The following CASZ1 variants were observed in gnomAD, a reference collection of about 807,000 sequenced individuals.
CASZ1 encodes zinc finger protein castor homolog 1.
In CASZ1, 28 loss-of-function variants were observed where a neutral mutation model predicts 135.2. The observed-to-expected ratio is 0.21, with a 90% confidence interval of 0.15 to 0.28. The LOEUF is 0.28. Among genes scored for constraint, CASZ1 ranks in the 10% least tolerant of loss-of-function variants. The pLI is 1.00. For synonymous variants in CASZ1, 1,068 were observed against 1,073.4 expected (o/e 0.99, Z 0.10); for missense variants, 2,161 against 2,453.3 (o/e 0.88, Z 2.52).
chr1:10,736,397 C>T (rs901731630), intron 2 of CASZ1, among the ~76,000 whole-genome samples: 2 of 152,200 alleles, frequency 1.3e-5, no homozygotes, highest in African/African-American at 4.8e-5. Context: ...CTGAGAACCC[C>T]GAACCCGGGG....
Position 10,639,096 on chromosome 1 carries a change from T to C in CASZ1, c.5126A>G (p.Asp1709Gly). The change falls in exon 21 of 21, where the codon GAC (aspartate) becomes GGC (glycine). Residue 1709 changes from aspartate (D) to glycine (G), a missense_variant. Coordinates refer to ENST00000377022, the MANE Select transcript of CASZ1 (RefSeq NM_001079843.3). The surrounding 1 kb of genome is among the most constrained non-coding windows in gnomAD (Gnocchi z 4.0). ...EDDDDEDDDE[D>G]DDDEDLRTDS... ...GGTGCGCAGGTCCTCGTCGTCGTCGTCCTCGTCGTCGTCCTCGTCGTCGTC... is the reference window on the plus strand; with the variant it reads ...GGTGCGCAGGTCCTCGTCGTCGTCGCCCTCGTCGTCGTCCTCGTCGTCGTC... 2 of 1,135,192 alleles carry C rather than the reference T, an allele frequency of 1.8e-6. No homozygotes were observed. The highest frequency in any genetic ancestry group is 6.6e-5 in the East Asian group (1 of 15,128). The allele number at this position is 1,135,192 out of a possible 1,614,324, so 70.3% of individuals were successfully genotyped here.
At position 10,659,637 on chromosome 1, in the gene CASZ1, G is replaced by A. The variant is rs76451128; in HGVS notation, c.1340+65C>T. 2.8e-3 allele frequency: 3,788 copies of A among 1,329,416 alleles called. 87 individuals carry two copies. In the African/African-American group the frequency reaches 0.048, roughly 17 times the overall value. The allele number at this position is 1,329,416 out of a possible 1,614,324, so 82.4% of individuals were successfully genotyped here. On this transcript the variant is annotated intron_variant, in intron 6 of 20. Coordinates refer to ENST00000377022, the MANE Select transcript of CASZ1 (RefSeq NM_001079843.3). ...CCTCAAGCACGGGCAACCCTGGTGA[G>A]GAAGGAGGCCTCCTGTCTAGTCTGG...
At position 10,700,512 on chromosome 1, in the gene CASZ1, C is replaced by T. The variant is rs1001695165; in HGVS notation, c.-24+4980G>A. ...TAGGTGTTTGGATGGTGTATGTACA[C>T]GCCTGAGCCTGAACTGTCAGACACA... On this transcript the variant is annotated intron_variant, in intron 3 of 20. Coordinates refer to ENST00000377022, the MANE Select transcript of CASZ1 (RefSeq NM_001079843.3). The surrounding 1 kb of genome is among the most constrained non-coding windows in gnomAD (Gnocchi z 4.2). 8.5e-5 allele frequency among the ~76,000 whole-genome samples: 13 copies of T among 152,168 alleles called. No individual in the cohort carries two copies. Among genetic ancestry groups the T allele is most frequent in the Admixed American group, 1.3e-4 (2 of 15,288 alleles).
At position 10,706,150 on chromosome 1, in the gene CASZ1, A is replaced by T. The variant is rs2100445319; in HGVS notation, c.-76-606T>A. On this transcript the variant is annotated intron_variant, in intron 2 of 20. Coordinates refer to ENST00000377022, the MANE Select transcript of CASZ1 (RefSeq NM_001079843.3). This position sits in a 1 kb window ranked among gnomAD's most constrained non-coding sequence, Gnocchi z 4.3. Reference sequence around the variant, plus strand: ...CACCCCGGGGTCCTACCCATGAGTCATCACAGCCCATGTCCAGAGACCGTG... The same window carrying T: ...CACCCCGGGGTCCTACCCATGAGTCTTCACAGCCCATGTCCAGAGACCGTG... Among the ~76,000 whole-genome samples, 2 of 152,368 alleles carry T rather than the reference A, an allele frequency of 1.3e-5. No homozygotes were observed. Among genetic ancestry groups the T allele is most frequent in the East Asian group, 3.9e-4 (2 of 5,180 alleles).
At chr1:10,645,271 C>T (rs1216512376) in intron 17 of CASZ1, among the ~76,000 whole-genome samples, 183 bp from the exon 18 acceptor site, 2 of 152,182 alleles carry the variant, frequency 1.3e-5, no homozygotes, top group Non-Finnish European at 2.9e-5. Context: ...TGGCTCACGC[C>T]TATAATCCCA....
At chr1:10,677,711 C>G (rs1450985637) in intron 4 of CASZ1, among the ~76,000 whole-genome samples, 1 of 152,242 alleles carries the variant, frequency 6.6e-6, no homozygotes, top group African/African-American at 2.4e-5. Context: ...TCTGAGCCCT[C>G]TCCGGCCCAG....
At position 10,706,217 on chromosome 1, in the gene CASZ1, C is replaced by T. The variant is rs1639170700; in HGVS notation, c.-76-673G>A. On this transcript the variant is annotated intron_variant, in intron 2 of 20. Transcript: ENST00000377022. This position sits in a 1 kb window ranked among gnomAD's most constrained non-coding sequence, Gnocchi z 4.3. The stretch of plus-strand genomic sequence containing the variant: ...GGTCAGACAACGTGGAGGCTTTAAC[C>T]AACACGCGGCCTGGCCCAGCGTGCC... Among the ~76,000 whole-genome samples, 1 of 152,226 alleles carries T rather than the reference C, an allele frequency of 6.6e-6. No homozygotes were observed. The highest frequency in any genetic ancestry group is 2.4e-5 in the African/African-American group (1 of 41,462).
At chr1:10,753,374 C>A (rs1225710118) in intron 2 of CASZ1, among the ~76,000 whole-genome samples, 1 of 152,156 alleles carries the variant, frequency 6.6e-6, no homozygotes, top group Admixed American at 6.5e-5. Flanking sequence ...CTCCCTCACC[C>A]GTCACTGCTG....
At chr1:10,651,161 G>A in intron 11 of CASZ1, 85 bp from the exon 12 acceptor site, 2 of 1,201,292 alleles carry the variant, frequency 1.7e-6, no homozygotes, top group South Asian at 4.0e-5. Flanking sequence ...CTGGAGGGAG[G>A]GCAGTGGGCT....
intron 1 of CASZ1, among the ~76,000 whole-genome samples, chr1:10,795,656 G>A (rs1471369201): frequency 1.3e-5 from 2 of 152,238 alleles, no homozygotes; most frequent in Non-Finnish European, 2.9e-5. Context: ...GCTCTGGGCC[G>A]ATGCCCCGGC....
rs952136762 is a variant in CASZ1 at position 10,767,304 on chromosome 1, C to T, written c.-233-6447G>A. Among the ~76,000 whole-genome samples, 1 of 152,240 alleles carries T rather than the reference C, an allele frequency of 6.6e-6. No individual in the cohort carries two copies. The highest frequency in any genetic ancestry group is 1.5e-5 in the Non-Finnish European group (1 of 68,038). On this transcript the variant is annotated intron_variant, in intron 1 of 20. Transcript: ENST00000377022. This position sits in a 1 kb window ranked among gnomAD's most constrained non-coding sequence, Gnocchi z 4.2. ...GCAGGCATCTCCAGAATCAGGAAGT[C>T]CCTGGAGGGCAGGCAGCAGAGCTGG... is the stretch of plus-strand genomic sequence containing the variant.
Position 10,647,648 on chromosome 1 carries a change from G to T in CASZ1, c.3497+153C>A. On this transcript the variant is annotated intron_variant, in intron 16 of 20. Transcript: ENST00000377022. This position sits in a 1 kb window ranked among gnomAD's most constrained non-coding sequence, Gnocchi z 4.9. ...TGAGGTAGGAGCAGCAGCATCTTTGGCTAGAAGGACATCACCCGATGGCCA... is the reference window on the plus strand; with the variant it reads ...TGAGGTAGGAGCAGCAGCATCTTTGTCTAGAAGGACATCACCCGATGGCCA... 6.8e-7 allele frequency: 1 copy of T among 1,473,552 alleles called. No individual in the cohort carries two copies. The allele number at this position is 1,473,552 out of a possible 1,614,324, so 91.3% of individuals were successfully genotyped here. A position where few individuals can be genotyped will look rare whatever the true frequency, so the allele number is the denominator to read the frequency against.
chr1:10,644,632 G>A (rs764593976), intron 18 of CASZ1, among the ~76,000 whole-genome samples: 1 of 152,180 alleles, frequency 6.6e-6, no homozygotes, highest in Non-Finnish European at 1.5e-5. Flanking sequence ...ACAGAACCAC[G>A]CCCAGGCCCT....
intron 2 of CASZ1, among the ~76,000 whole-genome samples, chr1:10,722,358 T>C (rs1639514532): frequency 6.6e-6 from 1 of 152,082 alleles, no homozygotes. Flanking sequence ...GCCACGCAGT[T>C]CCAAACTCAA....
At chr1:10,791,925 A>G (rs1360898835) in intron 1 of CASZ1, among the ~76,000 whole-genome samples, 1 of 152,106 alleles carries the variant, frequency 6.6e-6, no homozygotes, top group Non-Finnish European at 1.5e-5. Context: ...TAATTAGCAA[A>G]GGGGAAAGAT....
At chr1:10,682,294 C>T (rs145509101) in intron 4 of CASZ1, among the ~76,000 whole-genome samples, 2,923 of 151,884 alleles carry the variant, frequency 0.019, 41 homozygotes, top group Middle Eastern at 0.044. Context: ...GGTGCCGGGA[C>T]GGGGAGAAGG....
In CASZ1 at chr1:10,720,813, G is replaced by A. The variant is rs183931356; in HGVS notation, c.-76-15269C>T. ...CGGTGGGTGAGCTGAGGGAGGGTGA[G>A]TGGAAGCTGGAGGGTTAGGGCTGGC... On this transcript the variant is annotated intron_variant, in intron 2 of 20. Transcript: ENST00000377022. The surrounding 1 kb of genome is among the most constrained non-coding windows in gnomAD (Gnocchi z 5.7). Among the ~76,000 whole-genome samples, 53 of 152,254 alleles carry A rather than the reference G, an allele frequency of 3.5e-4. No individual in the cohort carries two copies. The East Asian group carries it at 0.01, about 29-fold the overall frequency.
intron 2 of CASZ1, among the ~76,000 whole-genome samples, chr1:10,730,984 TA>T (rs1208036147): frequency 2.0e-5 from 3 of 152,118 alleles, no homozygotes; most frequent in African/African-American, 7.2e-5. Flanking sequence ...CGTGTGCCTA[TA>T]ATCCCAGCTA....
intron 2 of CASZ1, among the ~76,000 whole-genome samples, chr1:10,749,319 C>T (rs1640105880): frequency 6.6e-6 from 1 of 152,000 alleles, no homozygotes; most frequent in African/African-American, 2.4e-5. Flanking sequence ...GCAACCTCAG[C>T]TCACTGCAGC....
Sources: allele counts gnomAD v4.1 joint callset (sites outside exome capture counted in the v4.1 genomes callset), GRCh38; gene constraint gnomAD v4.1.1; non-coding constraint Gnocchi (gnomAD v3.1); transcripts MANE v1.5; gene names NCBI Gene and HGNC (gene_info 2026-07-23, HGNC 2026-07-21).